The following MS4A4E variants were observed in gnomAD, a reference collection of about 807,000 sequenced individuals.
The protein encoded by MS4A4E is putative membrane-spanning 4-domains subfamily A member 4E.
A neutral mutation model predicts 13.3 loss-of-function variants in MS4A4E; 23 were observed. The ratio of observed to expected loss-of-function variants is 1.73; its 90% CI spans 1.25 to 2.45. MS4A4E has a LOEUF of 2.45. Among genes scored for constraint, MS4A4E ranks in the 30% most tolerant of loss-of-function variants. The probability of loss-of-function intolerance (pLI) is 0.00; values close to 1 mark genes in which losing one functional copy is unlikely to be tolerated. For synonymous variants in MS4A4E, 36 were observed against 45.6 expected (o/e 0.79, Z 0.85); for missense variants, 144 against 131.2 (o/e 1.10, Z -0.48).
At chr11:60,233,897 G>A (rs2084447272) in intron 1 of MS4A4E, among the ~76,000 whole-genome samples, 1 of 152,182 alleles carries the variant, frequency 6.6e-6, no homozygotes, top group Non-Finnish European at 1.5e-5. Flanking sequence ...GCTGAAGCAC[G>A]GACTGAGTCC....
intron 3 of MS4A4E, among the ~76,000 whole-genome samples, chr11:60,227,571 A>T (rs572423085): frequency 1.3e-5 from 2 of 151,786 alleles, no homozygotes; most frequent in Non-Finnish European, 2.9e-5. Flanking sequence ...TATATATATT[A>T]GCAAATTATT....
At chr11:60,242,300 A>T (rs1442624004) in intron 1 of MS4A4E, among the ~76,000 whole-genome samples, 2 of 152,208 alleles carry the variant, frequency 1.3e-5, no homozygotes, top group African/African-American at 4.8e-5. Flanking sequence ...GATTACAATG[A>T]CTACGACTAC....
intron 1 of MS4A4E, among the ~76,000 whole-genome samples, chr11:60,235,622 T>C (rs571419842): frequency 8.9e-4 from 135 of 152,328 alleles, no homozygotes; most frequent in African/African-American, 3.1e-3. Flanking sequence ...ATCTTCTATT[T>C]AGGTATTCAA....
At position 60,201,146 on chromosome 11, in the gene MS4A4E, G is replaced by A. The variant is rs533994059; in HGVS notation, c.*397C>T. ...CCCCCACCTCCCTCCCGGACGGAGC[G>A]GCTGGCCGGGTAGAGGGGCTCCTCA... On this transcript the variant is annotated 3_prime_UTR_variant, in exon 9 of 9. Coordinates refer to ENST00000651255, the MANE Select transcript of MS4A4E (RefSeq NM_001393391.1). 1.5e-3 allele frequency: 200 copies of A among 135,434 alleles called. 1 individual carries two copies. The highest frequency in any genetic ancestry group is 4.3e-3 in the African/African-American group (153 of 35,440). The allele number at this position is 135,434 out of a possible 1,614,324, so 8.4% of individuals were successfully genotyped here. A position where few individuals can be genotyped will look rare whatever the true frequency, so the allele number is the denominator to read the frequency against.
At chr11:60,222,708 G>A (rs2084285388) in intron 3 of MS4A4E, among the ~76,000 whole-genome samples, 1 of 152,086 alleles carries the variant, frequency 6.6e-6, no homozygotes, top group Non-Finnish European at 1.5e-5. Context: ...CCAGAGGAAG[G>A]AACGTTGCCA....
At chr11:60,229,856 A>G in intron 2 of MS4A4E, 56 bp downstream of exon 2, 2 of 1,533,714 alleles carry the variant, frequency 1.3e-6, no homozygotes, top group Non-Finnish European at 1.8e-6. Flanking sequence ...ATTAGCTCTG[A>G]TCAAATGTGA....
rs746021788 is a variant in MS4A4E, at chr11:60,230,076, A to G, written c.-16-5T>C. 9 of 1,571,398 alleles carry G rather than the reference A, an allele frequency of 5.7e-6. No homozygotes were observed. The Admixed American group carries it at 1.4e-4, about 25-fold the overall frequency. On this transcript the variant is annotated splice_region_variant and splice_polypyrimidine_tract_variant and intron_variant, in intron 1 of 8. Coordinates refer to ENST00000651255, the MANE Select transcript of MS4A4E (RefSeq NM_001393391.1). Reference sequence around the variant, plus strand: ...GTCATGGCAGCAGAAAAGGTGCTACAATAAGAAATGTAATTTAGGATGAGG... The same window carrying G: ...GTCATGGCAGCAGAAAAGGTGCTACGATAAGAAATGTAATTTAGGATGAGG...
Position 60,230,031 on chromosome 11 carries a change from G to T in MS4A4E, c.25C>A (p.Gln9Lys). The T allele has an allele frequency of 6.2e-7, 1 of 1,600,576 alleles. No homozygotes were observed. Among genetic ancestry groups the T allele is most frequent in the Non-Finnish European group, 8.5e-7 (1 of 1,175,308 alleles). MTTMQGME[Q>K]TTPGAGPDVP... ...TCAGGGCCAGCCCCTGGAGTGGTCT[G>T]TTCCATTCCTTGCATGGTTGTCATG... The change falls in exon 2 of 9, where the codon CAG (glutamine) becomes AAG (lysine). Residue 9 changes from glutamine to lysine, a missense_variant. Around this residue, in one of 3 missense-constraint regions of MS4A4E, gnomAD observed 119 missense variants for 88.7 expected, o/e 1.34. Transcript: ENST00000651255.
chr11:60,203,295 C>T (rs554274015), intron 8 of MS4A4E, among the ~76,000 whole-genome samples: 5 of 152,104 alleles, frequency 3.3e-5, no homozygotes, highest in Admixed American at 1.3e-4. Flanking sequence ...CAGTGTCAAT[C>T]TTCATTCTGT....
At chr11:60,207,113 C>A (rs1221576131) in intron 6 of MS4A4E, among the ~76,000 whole-genome samples, 1 of 152,094 alleles carries the variant, frequency 6.6e-6, no homozygotes, top group African/African-American at 2.4e-5. Flanking sequence ...TTGCTGGTTA[C>A]AAATAAAGCA....
intron 3 of MS4A4E, among the ~76,000 whole-genome samples, chr11:60,225,374 C>T (rs112100616): frequency 2.0e-5 from 3 of 152,076 alleles, no homozygotes; most frequent in Non-Finnish European, 2.9e-5. Context: ...CTACTTCTAC[C>T]GCAACTGTTT....
At chr11:60,206,814 C>T (rs559938033) in intron 6 of MS4A4E, 1 of 225,876 alleles carries the variant, frequency 4.4e-6, no homozygotes, top group African/African-American at 2.3e-5. Flanking sequence ...CACATAAAGT[C>T]ATCATTATCA....
At chr11:60,208,404 G>A (rs1044088169) in intron 6 of MS4A4E, among the ~76,000 whole-genome samples, 189 bp downstream of exon 6, 10 of 152,088 alleles carry the variant, frequency 6.6e-5, no homozygotes, top group Non-Finnish European at 8.8e-5. Context: ...CCACAGCCCC[G>A]GCCAACTCCC....
intron 4 of MS4A4E, 23 bp downstream of exon 4, chr11:60,214,548 A>G (rs2084166087): frequency 6.8e-7 from 1 of 1,479,178 alleles, no homozygotes; most frequent in Non-Finnish European, 9.0e-7. Context: ...TCCTTTTGAT[A>G]CCCCCCACAA....
At chr11:60,237,341 C>T (rs2084496017) in intron 1 of MS4A4E, among the ~76,000 whole-genome samples, 1 of 152,114 alleles carries the variant, frequency 6.6e-6, no homozygotes, top group Admixed American at 6.5e-5. Context: ...CTTTATCCAG[C>T]CTACTATTGA....
chr11:60,241,436 G>A (rs2084550226), intron 1 of MS4A4E, among the ~76,000 whole-genome samples: 1 of 152,194 alleles, frequency 6.6e-6, no homozygotes, highest in Non-Finnish European at 1.5e-5. Flanking sequence ...TTCTCCCTCT[G>A]TGTTTAGTGC....
At chr11:60,233,546 G>A (rs1424204916) in intron 1 of MS4A4E, among the ~76,000 whole-genome samples, 3 of 152,218 alleles carry the variant, frequency 2.0e-5, no homozygotes, top group African/African-American at 7.2e-5. Flanking sequence ...GCAAAACCCT[G>A]AGCCTAGGAC....
Position 60,201,077 on chromosome 11 carries a change from C to A in MS4A4E, c.*466G>T, listed in dbSNP as rs1461784830. Among the ~76,000 whole-genome samples the A allele has an allele frequency of 6.8e-6, 1 of 146,338 alleles. No individual in the cohort carries two copies. The highest frequency in any genetic ancestry group is 2.1e-4 in the East Asian group (1 of 4,694). On this transcript the variant is annotated 3_prime_UTR_variant, in exon 9 of 9. Transcript: ENST00000651255. ...TGGCCGGGTGGGGGGCTGAACCCCC[C>A]ACCTCCCTCCCGGACGGGGCGGCTG...
At chr11:60,206,495 A>G (rs1244617869) in intron 6 of MS4A4E, among the ~76,000 whole-genome samples, 1 of 80,808 alleles carries the variant, frequency 1.2e-5, no homozygotes, top group African/African-American at 5.1e-5. Context: ...ATATGTATAT[A>G]TATACGTATA....
Sources: allele counts gnomAD v4.1 joint callset (sites outside exome capture counted in the v4.1 genomes callset), GRCh38; gene constraint gnomAD v4.1.1; regional missense constraint gnomAD v4.1.1; transcripts MANE v1.5; gene names NCBI Gene and HGNC (gene_info 2026-07-23, HGNC 2026-07-21).